The following DNAJC1 variants were observed in gnomAD, a reference collection of about 807,000 sequenced individuals.
DNAJC1 encodes dnaJ homolog subfamily C member 1.
DNAJC1 carries 58 observed loss-of-function variants against 76.6 expected under a neutral mutation model. The ratio of observed to expected loss-of-function variants is 0.76; its 90% CI spans 0.61 to 0.94. The LOEUF is 0.94. Ranked by LOEUF, DNAJC1 falls within the 40% of genes least tolerant of loss-of-function variation. The probability of loss-of-function intolerance (pLI) is 0.00; values close to 1 mark genes in which losing one functional copy is unlikely to be tolerated. For synonymous variants in DNAJC1, 258 were observed against 267.9 expected (o/e 0.96, Z 0.36); for missense variants, 689 against 677.3 (o/e 1.02, Z -0.19).
At chr10:21,957,719 A>C (rs1218701290) in intron 1 of DNAJC1, among the ~76,000 whole-genome samples, 5 of 152,222 alleles carry the variant, frequency 3.3e-5, no homozygotes, top group Admixed American at 2.6e-4. Context: ...CACAAGTAAC[A>C]CATGAATAAA....
intron 8 of DNAJC1, among the ~76,000 whole-genome samples, chr10:21,863,023 T>G (rs1310426867): frequency 6.6e-6 from 1 of 151,900 alleles, no homozygotes; most frequent in African/African-American, 2.4e-5. Flanking sequence ...TCCCAGCTAC[T>G]CAGGAGGCTG....
intron 7 of DNAJC1, among the ~76,000 whole-genome samples, chr10:21,890,184 G>C (rs956029339): frequency 2.0e-5 from 3 of 151,924 alleles, no homozygotes; most frequent in Non-Finnish European, 2.9e-5. Context: ...GGCTGGGGGG[G>C]GGTGGATGAC....
At chr10:21,837,832 C>T (rs1380804552) in intron 8 of DNAJC1, among the ~76,000 whole-genome samples, 2 of 137,932 alleles carry the variant, frequency 1.4e-5, no homozygotes, top group African/African-American at 5.5e-5. Context: ...AGGTGGGGGG[C>T]AGCCCCCGCC....
At chr10:21,787,710 C>A (rs1377882501) in intron 9 of DNAJC1, among the ~76,000 whole-genome samples, 1 of 152,206 alleles carries the variant, frequency 6.6e-6, no homozygotes, top group Non-Finnish European at 1.5e-5. Flanking sequence ...CCACTTCTGT[C>A]TTTGATGAAA....
chr10:21,971,635 CTCA>C (rs1333709703), intron 1 of DNAJC1, among the ~76,000 whole-genome samples: 2 of 151,836 alleles, frequency 1.3e-5, no homozygotes, highest in Non-Finnish European at 3.0e-5. Flanking sequence ...CAAATTTCTG[CTCA>C]TGTCAGAAAC....
chr10:21,852,001 C>T (rs1213804520), intron 8 of DNAJC1, among the ~76,000 whole-genome samples: 4 of 151,172 alleles, frequency 2.6e-5, no homozygotes, highest in Non-Finnish European at 5.9e-5. Flanking sequence ...TGCAGTGAGC[C>T]GAGATCACGC....
At chr10:21,924,042 T>C (rs1472201723) in intron 3 of DNAJC1, among the ~76,000 whole-genome samples, 1 of 152,062 alleles carries the variant, frequency 6.6e-6, no homozygotes, top group Non-Finnish European at 1.5e-5. Flanking sequence ...AATAACATAA[T>C]TTCCACTTAG....
intron 8 of DNAJC1, among the ~76,000 whole-genome samples, chr10:21,828,176 A>G (rs1337360305): frequency 6.6e-6 from 1 of 152,242 alleles, no homozygotes; most frequent in Non-Finnish European, 1.5e-5. Context: ...GTATAAAACA[A>G]TAAGCAATGT....
chr10:21,834,560 C>T (rs1454917864), intron 8 of DNAJC1, among the ~76,000 whole-genome samples: 4 of 152,316 alleles, frequency 2.6e-5, no homozygotes, highest in Middle Eastern at 3.4e-3. Context: ...TCAGGGAATT[C>T]CCTTTCCTAG....
At chr10:21,879,553 G>C (rs1836238225) in intron 8 of DNAJC1, among the ~76,000 whole-genome samples, 1 of 152,066 alleles carries the variant, frequency 6.6e-6, no homozygotes, top group Non-Finnish European at 1.5e-5. Context: ...GAACCCAGAA[G>C]GCAGAGGTTG....
intron 6 of DNAJC1, among the ~76,000 whole-genome samples, chr10:21,912,016 C>T (rs1836871483): frequency 6.6e-6 from 1 of 152,054 alleles, no homozygotes; most frequent in Non-Finnish European, 1.5e-5. Context: ...GTATTTTCTC[C>T]TTATGATGGG....
chr10:21,993,292 T>G (rs995334649), intron 1 of DNAJC1, among the ~76,000 whole-genome samples: 10 of 152,192 alleles, frequency 6.6e-5, no homozygotes, highest in African/African-American at 2.2e-4. Flanking sequence ...GCATCAGAAC[T>G]GCATGCCTTA....
intron 3 of DNAJC1, among the ~76,000 whole-genome samples, chr10:21,926,398 G>T (rs939067039): frequency 6.6e-6 from 1 of 151,680 alleles, no homozygotes; most frequent in Non-Finnish European, 1.5e-5. Context: ...AAATAAATAG[G>T]AAACATGTCT....
intron 1 of DNAJC1, among the ~76,000 whole-genome samples, chr10:21,952,504 T>A (rs1156320444): frequency 6.6e-6 from 1 of 152,184 alleles, no homozygotes; most frequent in Non-Finnish European, 1.5e-5. Context: ...ATGCCTGTAA[T>A]CCCAACACTT....
At chr10:21,872,996 C>A (rs112253778) in intron 8 of DNAJC1, among the ~76,000 whole-genome samples, 1 of 152,298 alleles carries the variant, frequency 6.6e-6, no homozygotes, top group East Asian at 1.9e-4. Context: ...CTGACCTAAC[C>A]GGTTATGTTA....
At chr10:21,899,360 T>G (rs1485908333) in intron 7 of DNAJC1, among the ~76,000 whole-genome samples, 1 of 152,164 alleles carries the variant, frequency 6.6e-6, no homozygotes, top group Admixed American at 6.5e-5. Context: ...AGGCCCCACT[T>G]CTATGGCACC....
chr10:21,908,763 T>C (rs944783037), intron 6 of DNAJC1, among the ~76,000 whole-genome samples: 15 of 152,178 alleles, frequency 9.9e-5, no homozygotes, highest in African/African-American at 3.6e-4. Flanking sequence ...ATTAAAATTA[T>C]GGAGTTTACA....
At chr10:21,855,210 C>A (rs974962676) in intron 8 of DNAJC1, among the ~76,000 whole-genome samples, 1 of 152,062 alleles carries the variant, frequency 6.6e-6, no homozygotes, top group Non-Finnish European at 1.5e-5. Flanking sequence ...GAATAAACAG[C>A]CCATTTTTTT....
At chr10:21,833,452 C>A (rs1835394953) in intron 8 of DNAJC1, among the ~76,000 whole-genome samples, 1 of 152,068 alleles carries the variant, frequency 6.6e-6, no homozygotes, top group Non-Finnish European at 1.5e-5. Flanking sequence ...GCTGAGGCAA[C>A]AGTGTGAGAC....
Sources: allele counts gnomAD v4.1 joint callset (sites outside exome capture counted in the v4.1 genomes callset), GRCh38; gene constraint gnomAD v4.1.1; transcripts MANE v1.5; gene names NCBI Gene and HGNC (gene_info 2026-07-23, HGNC 2026-07-21).